Variants in SORBS3 observed in about 807,000 individuals in gnomAD.
SORBS3 encodes vinexin.
A neutral mutation model predicts 98.0 loss-of-function variants in SORBS3; 69 were observed. The ratio of observed to expected loss-of-function variants is 0.70; its 90% CI spans 0.58 to 0.86. The LOEUF (loss-of-function observed/expected upper bound fraction) is 0.86, where lower values mean the gene tolerates loss of function less well. Ranked by LOEUF, SORBS3 falls within the 40% of genes least tolerant of loss-of-function variation. The pLI is 0.00. For synonymous variants in SORBS3, 394 were observed against 355.4 expected (o/e 1.11, Z -1.22); for missense variants, 954 against 908.5 (o/e 1.05, Z -0.64).
chr8:22,569,401 G>A, intron 17 of SORBS3, 128 bp downstream of exon 17: 3 of 785,482 alleles, frequency 3.8e-6, no homozygotes, highest in Non-Finnish European at 5.4e-6. Context: ...GCGCAGTGGT[G>A]CCATCTCGGC....
chr8:22,563,943 T>A, intron 7 of SORBS3, 44 bp from the exon 8 acceptor site: 2 of 1,479,350 alleles, frequency 1.4e-6, no homozygotes, highest in South Asian at 2.3e-5. Context: ...TCTGCCTCAG[T>A]CTCCCTAAAA....
chr8:22,547,937 T>C (rs565458854), upstream of SORBS3, among the ~76,000 whole-genome samples: 178 of 152,334 alleles, frequency 1.2e-3, no homozygotes, highest in Non-Finnish European at 1.5e-3. Context: ...CTTTGGGAGA[T>C]TGGCCCTGAG....
Position 22,571,219 on chromosome 8 carries a change from C to T in SORBS3, c.1741C>T (p.Gln581Ter), listed in dbSNP as rs1469284109. The T allele has an allele frequency of 6.5e-7, 1 of 1,531,458 alleles. No homozygotes were observed. The highest frequency in any genetic ancestry group is 8.8e-7 in the Non-Finnish European group (1 of 1,141,224). 94.9% of individuals were successfully genotyped at this position (1,531,458 alleles called of 1,614,324 possible). Residue 581 changes from glutamine (Q) to a stop codon, truncating the protein, a stop_gained and splice_region_variant, in exon 18 of 21, where the codon CAG (glutamine) becomes TAG (stop). Coordinates refer to ENST00000240123, the MANE Select transcript of SORBS3 (RefSeq NM_005775.5). LOFTEE classifies it high-confidence loss of function. ...FPTQEPRPQT[Q>*]NLGTPGPALS... is the part of the protein sequence containing the mutation. ...CACCCAGGAGCCTAGACCCCAGACC[C>T]AGGTGAGGTAGCCTGCCTCCACCAG...
chr8:22,548,665 G>T (rs1018309993), upstream of SORBS3, among the ~76,000 whole-genome samples: 18 of 152,168 alleles, frequency 1.2e-4, no homozygotes, highest in Admixed American at 1.3e-4. Context: ...GGGCCGCCTA[G>T]CTGCCCAGGG....
upstream of SORBS3, among the ~76,000 whole-genome samples, chr8:22,551,444 C>G (rs1840079487): frequency 6.6e-6 from 1 of 152,098 alleles, no homozygotes; most frequent in African/African-American, 2.4e-5. The surrounding 1 kb of genome is among the most constrained non-coding windows in gnomAD (Gnocchi z 5.8). Flanking sequence ...CTGGCTCCGC[C>G]CGGTTCATCG....
chr8:22,571,951 G>A (rs1052661401), intron 19 of SORBS3, 130 bp downstream of exon 19: 11 of 683,364 alleles, frequency 1.6e-5, no homozygotes, highest in African/African-American at 3.5e-5. Context: ...CCTTGTCCTC[G>A]AAGAGCTTAT....
chr8:22,565,083 C>T, intron 10 of SORBS3, 185 bp from the exon 11 acceptor site: 2 of 1,433,818 alleles, frequency 1.4e-6, no homozygotes, highest in South Asian at 1.5e-5. Context: ...GGTGAGAGGC[C>T]GTGGCGGGGA....
Position 22,566,028 on chromosome 8 carries a change from C to T in SORBS3, c.950+156C>T, listed in dbSNP as rs1202166414. 6 of 592,266 alleles carry T rather than the reference C, an allele frequency of 1.0e-5. No homozygotes were observed. In the East Asian group the frequency reaches 1.1e-4, roughly 11 times the overall value. The allele number at this position is 592,266 out of a possible 1,614,324, so 36.7% of individuals were successfully genotyped here. A position where few individuals can be genotyped will look rare whatever the true frequency, so the allele number is the denominator to read the frequency against. On this transcript the variant is annotated intron_variant, in intron 12 of 20. Transcript: ENST00000240123. The stretch of plus-strand genomic sequence containing the variant: ...GTCCGGGAGGGACCGCAGCGCCACT[C>T]TCTGCGGGGCGCCGTTCCCGCGCCA...
intron 7 of SORBS3, 104 bp downstream of exon 7, chr8:22,562,035 C>A: frequency 9.0e-7 from 1 of 1,111,440 alleles, no homozygotes; most frequent in Non-Finnish European, 1.4e-6. Context: ...GCCTCGGAGC[C>A]CAGCCAGGAG....
chr8:22,570,808 G>C lies in SORBS3; in HGVS notation c.1432-102G>C, dbSNP rs1298500155. On this transcript the variant is annotated intron_variant, in intron 17 of 20. Coordinates refer to ENST00000240123, the MANE Select transcript of SORBS3 (RefSeq NM_005775.5). ...TGGCCCCCTGCGATTCCGACCCCTC[G>C]TGTGTCCAAGGTGTTAGGGTTGAAT... The C allele has an allele frequency of 3.9e-6, 4 of 1,037,102 alleles. No homozygotes were observed. The Admixed American group carries it at 7.8e-5, about 20-fold the overall frequency. 64.2% of individuals were successfully genotyped at this position (1,037,102 alleles called of 1,614,324 possible). A position where few individuals can be genotyped will look rare whatever the true frequency, so the allele number is the denominator to read the frequency against.
chr8:22,569,240 G>C lies in SORBS3; in HGVS notation c.1398G>C (p.Lys466Asn). 1 of 1,605,436 alleles carries C rather than the reference G, an allele frequency of 6.2e-7. No homozygotes were observed. Among genetic ancestry groups the C allele is most frequent in the Non-Finnish European group, 8.5e-7 (1 of 1,175,788 alleles). The change falls in exon 17 of 21, where the codon AAG becomes AAC. Residue 466 changes from lysine to asparagine, a missense_variant. Coordinates refer to ENST00000240123, the MANE Select transcript of SORBS3 (RefSeq NM_005775.5). ...YGEAVAQYTF[K>N]GDLEVELSFR... ...AGGCTGTGGCCCAGTACACCTTCAA[G>C]GGGGACCTGGAGGTGGAGCTGTCCT...
In SORBS3 at chr8:22,565,325, G is replaced by A. The variant is rs1212692885; in HGVS notation, c.874G>A (p.Ala292Thr). Residue 292 changes from alanine (A) to threonine (T), a missense_variant, in exon 11 of 21, where the codon GCA (alanine) becomes ACA (threonine). By Grantham distance (58) the Ala-to-Thr change is moderately conservative. Transcript: ENST00000240123. ...LSAELDKDLR[A>T]IETRLPSPKS... ...CGCCGAGCTGGACAAGGACCTGCGG[G>A]CAATTGAGACCCGACTGCCGTCCCC... 1.7e-5 allele frequency: 27 copies of A among 1,559,034 alleles called. No homozygotes were observed. The highest frequency in any genetic ancestry group is 2.3e-5 in the Non-Finnish European group (27 of 1,152,020).
chr8:22,561,928 G>A lies in SORBS3; in HGVS notation c.581G>A (p.Ser194Asn). 1 of 1,614,040 alleles carries A rather than the reference G, an allele frequency of 6.2e-7. No individual in the cohort carries two copies. The highest frequency in any genetic ancestry group is 1.7e-5 in the Admixed American group (1 of 60,034). Residue 194 changes from serine to asparagine, a missense_variant, in exon 7 of 21, where the codon AGT becomes AAT. Transcript: ENST00000240123. ...AHRPGPATSS[S>N]GRSWDHSEEL... ...AGGCCCGGCCCGGCAACATCTTCCA[G>A]TGGGTGAGCACAGTGGGGCGGGGCC...
Position 22,554,523 on chromosome 8 carries a change from G to A in SORBS3, c.17G>A (p.Arg6His), listed in dbSNP as rs1456075207. 7 of 1,612,056 alleles carry A rather than the reference G, an allele frequency of 4.3e-6. No individual in the cohort carries two copies. Among genetic ancestry groups the A allele is most frequent in the Admixed American group, 1.7e-5 (1 of 60,000 alleles). Reference sequence around the variant, plus strand: ...GACCCAAGCATGCAGGGCCCACCCCGCAGCCTCCGCGCTGGGCTCAGCCTG... The same window carrying A: ...GACCCAAGCATGCAGGGCCCACCCCACAGCCTCCGCGCTGGGCTCAGCCTG... MQGPP[R>H]SLRAGLSLDD... Residue 6 changes from arginine to histidine, a missense_variant, in exon 2 of 21, where the codon CGC (arginine) becomes CAC (histidine). Transcript: ENST00000240123. This position sits in a 1 kb window ranked among gnomAD's most constrained non-coding sequence, Gnocchi z 6.5.
upstream of SORBS3, among the ~76,000 whole-genome samples, chr8:22,551,052 G>C (rs80094225): frequency 9.4e-3 from 1,438 of 152,332 alleles, 23 homozygotes; most frequent in African/African-American, 0.031. The surrounding 1 kb of genome is among the most constrained non-coding windows in gnomAD (Gnocchi z 5.8). Flanking sequence ...AGAGCAGCGA[G>C]AACAGCGGAA....
rs200402848 is a variant in SORBS3, at chr8:22,571,087, G to A, written c.1609G>A (p.Ala537Thr). ...CACGTCTCCCCGCCTGACCGCTGCC[G>A]CCCGCTCAGCCCGTCACCCCAGCTC... Reference protein sequence around the residue: ...LPTSPRLTAAARSARHPSSPS... With the variant: ...LPTSPRLTAATRSARHPSSPS... The change falls in exon 18 of 21, where the codon GCC becomes ACC. Residue 537 changes from alanine (A) to threonine (T), a missense_variant. Transcript: ENST00000240123. The A allele has an allele frequency of 6.9e-4, 1,110 of 1,610,978 alleles. 11 individuals are homozygous for A. Among genetic ancestry groups the A allele is most frequent in the South Asian group, 2.3e-3 (210 of 90,966 alleles).
chr8:22,564,874 G>A (rs1414721462), intron 10 of SORBS3: 57 of 1,277,770 alleles, frequency 4.5e-5, no homozygotes, highest in Non-Finnish European at 5.7e-5. Flanking sequence ...CAGCGTGGGG[G>A]TGGGGGCTCC....
intron 20 of SORBS3, among the ~76,000 whole-genome samples, chr8:22,572,797 G>A (rs1009257869): frequency 2.0e-5 from 3 of 152,198 alleles, no homozygotes; most frequent in African/African-American, 7.2e-5. Flanking sequence ...CTGGTGGAAA[G>A]GACCAGGGCT....
upstream of SORBS3, among the ~76,000 whole-genome samples, chr8:22,548,567 C>T (rs906687361): frequency 1.1e-4 from 16 of 152,146 alleles, no homozygotes; most frequent in African/African-American, 3.9e-4. Context: ...AAAATCTACT[C>T]AAAGCACCTG....
Sources: gnomAD v4.1 joint callset for allele counts (sites outside exome capture counted in the v4.1 genomes callset) on GRCh38, gnomAD v4.1.1 for gene constraint, Gnocchi (gnomAD v3.1) non-coding constraint, MANE v1.5 for transcripts, NCBI Gene and HGNC (gene_info 2026-07-23, HGNC 2026-07-21) for gene names.